Variants in NXPE2 observed in about 807,000 individuals in gnomAD.
NXPE2 encodes the protein neurexophilin and PC-esterase domain family member 2.
NXPE2 carries 34 observed loss-of-function variants against 34.4 expected under a neutral mutation model. That is an observed-to-expected ratio of 0.99 (90% CI 0.75 to 1.31). NXPE2 has a LOEUF of 1.31. Ranked by LOEUF, NXPE2 falls within the 40% of genes most tolerant of loss-of-function variation. The pLI, the probability that NXPE2 is intolerant of heterozygous loss-of-function variation, is 0.00. For synonymous variants in NXPE2, 235 were observed against 231.3 expected (o/e 1.02, Z -0.15); for missense variants, 649 against 672.5 (o/e 0.97, Z 0.39).
At chr11:114,677,410 C>T (rs529190530), upstream of NXPE2, among the ~76,000 whole-genome samples, 53 of 152,088 alleles carry the variant, frequency 3.5e-4, no homozygotes, top group South Asian at 8.3e-4. Flanking sequence ...TTTTTATTTG[C>T]GAACTGTACC....
chr11:114,797,251 C>G, the NXPE2 span, among the ~76,000 whole-genome samples: 1 of 152,286 alleles, frequency 6.6e-6, no homozygotes, highest in African/African-American at 2.4e-5. Flanking sequence ...ATACAGCAGA[C>G]AGTGTCCCTC....
the NXPE2 span, among the ~76,000 whole-genome samples, chr11:114,735,884 A>G: frequency 6.6e-6 from 1 of 152,200 alleles, no homozygotes; most frequent in Non-Finnish European, 1.5e-5. Flanking sequence ...GATATTTCAC[A>G]TAGGTTCTTT....
At chr11:114,664,767 G>T in the NXPE2 span, among the ~76,000 whole-genome samples, 4 of 152,118 alleles carry the variant, frequency 2.6e-5, no homozygotes, top group African/African-American at 9.7e-5. Flanking sequence ...CTAGCAATAT[G>T]CTGTAGGATA....
chr11:114,765,696 T>C, the NXPE2 span, among the ~76,000 whole-genome samples: 1 of 152,186 alleles, frequency 6.6e-6, no homozygotes, highest in African/African-American at 2.4e-5. Context: ...TCATTCCTAC[T>C]TTCATCTGTG....
At chr11:114,582,509 G>A in the NXPE2 span, 1 of 1,614,004 alleles carries the variant, frequency 6.2e-7, no homozygotes, top group Non-Finnish European at 8.5e-7. Flanking sequence ...GGCCAGTGAA[G>A]ATCACCCTGT....
the NXPE2 span, among the ~76,000 whole-genome samples, chr11:114,740,033 C>CTA: frequency 0.3 from 45,832 of 151,738 alleles, 7,116 homozygotes; most frequent in East Asian, 0.42. Flanking sequence ...GTACCAAACA[C>CTA]TATATATATA....
the NXPE2 span, among the ~76,000 whole-genome samples, chr11:114,716,764 A>G: frequency 2.0e-5 from 3 of 152,136 alleles, no homozygotes; most frequent in Non-Finnish European, 4.4e-5. Flanking sequence ...GTATCAGTCC[A>G]TTGCCACTTG....
At chr11:114,521,867 T>A in the NXPE2 span, 4 of 924,820 alleles carry the variant, frequency 4.3e-6, no homozygotes, top group Middle Eastern at 2.4e-4. Context: ...TCTTTTAAAT[T>A]TATTTTCCTT....
the NXPE2 span, among the ~76,000 whole-genome samples, chr11:114,632,497 TTATAG>T: frequency 3.2e-5 from 4 of 125,736 alleles, no homozygotes; most frequent in African/African-American, 1.2e-4. Context: ...ATAATATATA[TTATAG>T]TATTTTATTT....
chr11:114,582,281 T>C, the NXPE2 span: 14 of 1,553,666 alleles, frequency 9.0e-6, no homozygotes, highest in South Asian at 1.8e-4. Context: ...GAAGTAATTA[T>C]TTTTACCTTT....
the NXPE2 span, among the ~76,000 whole-genome samples, chr11:114,608,870 C>T: frequency 6.6e-6 from 1 of 151,474 alleles, no homozygotes; most frequent in Admixed American, 6.6e-5. Flanking sequence ...ACCACTCTTA[C>T]CCGGTGGATA....
the NXPE2 span, among the ~76,000 whole-genome samples, chr11:114,473,188 A>G: frequency 0.076 from 11,531 of 152,252 alleles, 615 homozygotes; most frequent in East Asian, 0.23. Context: ...ATTAAATCAG[A>G]TTAGATTAGA....
the NXPE2 span, among the ~76,000 whole-genome samples, chr11:114,763,687 C>A: frequency 5.3e-5 from 8 of 152,182 alleles, no homozygotes; most frequent in African/African-American, 1.9e-4. Context: ...AATAAATATT[C>A]CATCACCAGT....
the NXPE2 span, among the ~76,000 whole-genome samples, chr11:114,764,200 C>T: frequency 1.3e-5 from 2 of 152,038 alleles, no homozygotes; most frequent in African/African-American, 4.8e-5. Flanking sequence ...TTGCTGAGAT[C>T]ATAAATGGGG....
the NXPE2 span, chr11:114,582,365 A>T: frequency 6.2e-7 from 1 of 1,613,996 alleles, no homozygotes; most frequent in African/African-American, 1.3e-5. Context: ...TGAGTGCAGC[A>T]CAGGGCATGT....
Position 114,706,009 on chromosome 11 carries a change from T to C in NXPE2, c.1144+13T>C, listed in dbSNP as rs1951466231. ...AAAGCTGTGAAAAGTATGTATTTAA[T>C]TTATATTTTGAAATTCTATTTGACT... On this transcript the variant is annotated intron_variant, in intron 5 of 5. Transcript: ENST00000389586. 1 of 1,209,344 alleles carries C rather than the reference T, an allele frequency of 8.3e-7. No individual in the cohort carries two copies. Among genetic ancestry groups the C allele is most frequent in the South Asian group, 3.1e-5 (1 of 32,386 alleles). 74.9% of individuals were successfully genotyped at this position (1,209,344 alleles called of 1,614,324 possible). A position where few individuals can be genotyped will look rare whatever the true frequency, so the allele number is the denominator to read the frequency against.
the NXPE2 span, among the ~76,000 whole-genome samples, chr11:114,539,757 T>A: frequency 3.3e-5 from 5 of 152,234 alleles, no homozygotes; most frequent in East Asian, 7.7e-4. Context: ...AATTGTAAAG[T>A]GCAATATCAG....
At chr11:114,528,750 G>C in the NXPE2 span, 1 of 610,616 alleles carries the variant, frequency 1.6e-6, no homozygotes, top group South Asian at 1.9e-5. Context: ...GGGATTAAGG[G>C]GAGAATGAGG....
At chr11:114,548,792 T>C in the NXPE2 span, among the ~76,000 whole-genome samples, 1 of 151,508 alleles carries the variant, frequency 6.6e-6, no homozygotes, top group African/African-American at 2.4e-5. Flanking sequence ...AAGGTAGGAA[T>C]TGATAGGAAG....
Sources: gnomAD v4.1 joint callset for allele counts (sites outside exome capture counted in the v4.1 genomes callset) on GRCh38, gnomAD v4.1.1 for gene constraint, MANE v1.5 for transcripts, NCBI Gene and HGNC (gene_info 2026-07-23, HGNC 2026-07-21) for gene names.